AGBL4: variants seen among roughly 807,000 people sequenced by gnomAD.
AGBL4 encodes AGBL carboxypeptidase 4.
Under a neutral mutation model 66.4 loss-of-function variants are expected in AGBL4, and 58 were observed. That is an observed-to-expected ratio of 0.87 (90% CI 0.71 to 1.09). The LOEUF is 1.09. AGBL4 is among the 50% of genes least tolerant of loss of function. AGBL4 has a pLI of 0.00. For missense variants in AGBL4, 579 were observed against 631.0 expected (o/e 0.92, Z 0.88); for synonymous variants, 234 against 222.9 (o/e 1.05, Z -0.44).
intron 3 of AGBL4, among the ~76,000 whole-genome samples, chr1:49,382,418 A>G (rs1170841887): frequency 1.3e-5 from 2 of 152,182 alleles, no homozygotes; most frequent in African/African-American, 4.8e-5. Flanking sequence ...TACACGATCA[A>G]TTCAGTTGAT....
chr1:49,221,042 C>A (rs1306540378), intron 4 of AGBL4, among the ~76,000 whole-genome samples: 1 of 152,042 alleles, frequency 6.6e-6, no homozygotes, highest in East Asian at 1.9e-4. Context: ...CAATAGCTCA[C>A]AATCAGAAAT....
intron 3 of AGBL4, among the ~76,000 whole-genome samples, chr1:49,542,543 T>A (rs1652131359): frequency 6.6e-6 from 1 of 152,146 alleles, no homozygotes; most frequent in African/African-American, 2.4e-5. Context: ...ACCCACCAAT[T>A]CCGGACACAT....
At chr1:48,629,693 T>C (rs1645562992) in intron 9 of AGBL4, among the ~76,000 whole-genome samples, 1 of 152,020 alleles carries the variant, frequency 6.6e-6, no homozygotes, top group Admixed American at 6.5e-5. Context: ...ATGAAGATGA[T>C]CAGAATCCTC....
chr1:48,866,630 TA>T (rs1648116106), intron 6 of AGBL4, among the ~76,000 whole-genome samples: 1 of 152,230 alleles, frequency 6.6e-6, no homozygotes, highest in Admixed American at 6.5e-5. Context: ...CAGCCTCTTC[TA>T]GGCCAGATGT....
At chr1:49,259,121 C>G (rs1652848302) in intron 3 of AGBL4, among the ~76,000 whole-genome samples, 1 of 152,040 alleles carries the variant, frequency 6.6e-6, no homozygotes, top group South Asian at 2.1e-4. Context: ...GACTTTGTCA[C>G]CACCAGGCCT....
At chr1:49,769,204 C>G (rs1295099233) in intron 2 of AGBL4, among the ~76,000 whole-genome samples, 1 of 151,808 alleles carries the variant, frequency 6.6e-6, no homozygotes, top group Non-Finnish European at 1.5e-5. Flanking sequence ...AACACAATCT[C>G]ATTTGTAATA....
intron 2 of AGBL4, among the ~76,000 whole-genome samples, chr1:49,718,758 G>A (rs955591121): frequency 6.6e-6 from 1 of 151,830 alleles, no homozygotes; most frequent in African/African-American, 2.4e-5. Flanking sequence ...TATTTTGTCT[G>A]TATTTTCTTC....
chr1:49,758,591 C>T (rs754431043), intron 2 of AGBL4, among the ~76,000 whole-genome samples: 94 of 152,256 alleles, frequency 6.2e-4, no homozygotes, highest in Non-Finnish European at 1.2e-3. Context: ...TTAATGACTG[C>T]CCTGCTGGAT....
chr1:49,182,355 A>G (rs543888877), intron 4 of AGBL4, among the ~76,000 whole-genome samples: 4 of 152,370 alleles, frequency 2.6e-5, no homozygotes, highest in Admixed American at 6.5e-5. Flanking sequence ...GGTACCTTGT[A>G]CCTACCACAG....
chr1:49,196,560 GT>G (rs1176370158), intron 4 of AGBL4, among the ~76,000 whole-genome samples: 1 of 151,982 alleles, frequency 6.6e-6, no homozygotes, highest in Non-Finnish European at 1.5e-5. Context: ...CTTTGGGGGT[GT>G]TATAATACCT....
At chr1:49,996,984 A>G (rs1471244929) in intron 1 of AGBL4, among the ~76,000 whole-genome samples, 2 of 152,170 alleles carry the variant, frequency 1.3e-5, no homozygotes, top group East Asian at 3.8e-4. Flanking sequence ...TGAAGGAGAT[A>G]GTCTTTTTAT....
rs541730494 is a variant in AGBL4, at chr1:49,587,138, C to T, written c.282+110175G>A. On this transcript the variant is annotated intron_variant, in intron 3 of 13. Coordinates refer to ENST00000371839, the MANE Select transcript of AGBL4 (RefSeq NM_032785.4). ...GCATATGCCTGTAGTCCCAGCTACT[C>T]GAGAAGCTGAGGCAGGAGAATTGCT... Among the ~76,000 whole-genome samples the T allele has an allele frequency of 5.9e-5, 9 of 151,870 alleles. No homozygotes were observed. In the South Asian group the frequency reaches 6.3e-4, roughly 11 times the overall value.
At chr1:49,464,419 G>A (rs1256405020) in intron 3 of AGBL4, among the ~76,000 whole-genome samples, 2 of 151,720 alleles carry the variant, frequency 1.3e-5, no homozygotes, top group Non-Finnish European at 2.9e-5. Flanking sequence ...ACTTTGGCAA[G>A]GATTACAAAT....
chr1:48,590,902 A>G lies in AGBL4; in HGVS notation c.1035T>C (p.Asp345=). ...NGFMYGNIFE[D]EERFQRQAIF... is the part of the protein sequence containing the mutation. ...TGGCCTGCCTCTGGAACCGTTCCTC[A>G]TCCTCAAAGATGTTGCCATACATGA... Residue 345 remains aspartate (D), a synonymous_variant, in exon 10 of 14, where the codon GAT becomes GAC. Coordinates refer to ENST00000371839, the MANE Select transcript of AGBL4 (RefSeq NM_032785.4). 1 of 1,609,310 alleles carries G rather than the reference A, an allele frequency of 6.2e-7. No homozygotes were observed. Among genetic ancestry groups the G allele is most frequent in the South Asian group, 1.1e-5 (1 of 89,320 alleles).
chr1:49,992,786 T>C (rs957028311), intron 1 of AGBL4, among the ~76,000 whole-genome samples: 1 of 152,154 alleles, frequency 6.6e-6, no homozygotes, highest in Non-Finnish European at 1.5e-5. Context: ...TCCTACCTTG[T>C]AGAACTAATG....
chr1:49,416,250 C>T (rs2148634570), intron 3 of AGBL4, among the ~76,000 whole-genome samples: 1 of 152,114 alleles, frequency 6.6e-6, no homozygotes. Context: ...GGCATATATG[C>T]ATATGTATGT....
chr1:48,831,198 T>C (rs950510386), intron 6 of AGBL4, among the ~76,000 whole-genome samples: 2 of 152,084 alleles, frequency 1.3e-5, no homozygotes, highest in African/African-American at 4.8e-5. Context: ...AGAAGTATAG[T>C]CTATAAGCTT....
At chr1:50,011,955 C>T (rs1311539927) in intron 1 of AGBL4, among the ~76,000 whole-genome samples, 2 of 151,736 alleles carry the variant, frequency 1.3e-5, no homozygotes, top group African/African-American at 4.8e-5. Flanking sequence ...GTCAGGAGAT[C>T]GAGACCATCC....
rs555829523 is a variant in AGBL4 at position 49,741,122 on chromosome 1, C to T, written c.158-43685G>A. Among the ~76,000 whole-genome samples, 46 of 151,586 alleles carry T rather than the reference C, an allele frequency of 3.0e-4. No homozygotes were observed. In the South Asian group the frequency reaches 3.5e-3, roughly 12 times the overall value. ...TCAATGAACCCAGGAGATGGTTTTTCGAAAGGATCAACAAAATTGATAGAC... is the reference window on the plus strand; with the variant it reads ...TCAATGAACCCAGGAGATGGTTTTTTGAAAGGATCAACAAAATTGATAGAC... On this transcript the variant is annotated intron_variant, in intron 2 of 13. Transcript: ENST00000371839.
Sources: gnomAD v4.1 joint callset for allele counts (sites outside exome capture counted in the v4.1 genomes callset) on GRCh38, gnomAD v4.1.1 for gene constraint, MANE v1.5 for transcripts, NCBI Gene and HGNC (gene_info 2026-07-23, HGNC 2026-07-21) for gene names.